The following CTNNA2 variants were observed in gnomAD, a reference collection of about 807,000 sequenced individuals.
CTNNA2 encodes the protein catenin alpha 2.
In CTNNA2, 42 loss-of-function variants were observed where a neutral mutation model predicts 101.0. The ratio of observed to expected loss-of-function variants is 0.42; its 90% CI spans 0.32 to 0.54. CTNNA2 has a LOEUF of 0.54. Among genes scored for constraint, CTNNA2 ranks in the 20% least tolerant of loss-of-function variants. The pLI is 0.14. For missense variants in CTNNA2, 871 were observed against 1,223.1 expected (o/e 0.71, Z 4.29); for synonymous variants, 450 against 456.4 (o/e 0.99, Z 0.18).
chr2:79,591,798 G>A (rs938563049), intron 1 of CTNNA2, among the ~76,000 whole-genome samples: 1 of 152,070 alleles, frequency 6.6e-6, no homozygotes, highest in Non-Finnish European at 1.5e-5. Context: ...TACGTATGAG[G>A]AGAATGTTAA....
At chr2:80,182,173 T>C (rs1206879732) in intron 7 of CTNNA2, among the ~76,000 whole-genome samples, 1 of 152,152 alleles carries the variant, frequency 6.6e-6, no homozygotes, top group East Asian at 1.9e-4. Context: ...AAGCAGACAG[T>C]GCAGCCCTTA....
intron 7 of CTNNA2, among the ~76,000 whole-genome samples, chr2:80,025,478 G>C (rs988015285): frequency 6.6e-6 from 1 of 152,182 alleles, no homozygotes; most frequent in Admixed American, 6.5e-5. Flanking sequence ...AATGAGATGC[G>C]AGAAGACATC....
intron 7 of CTNNA2, among the ~76,000 whole-genome samples, chr2:80,171,607 A>C (rs1705064668): frequency 1.3e-5 from 2 of 152,300 alleles, no homozygotes; most frequent in Admixed American, 6.5e-5. Context: ...TCCTCCATGC[A>C]GCTTCCATTT....
chr2:79,499,442 G>A lies in CTNNA2; in HGVS notation c.-134-5612G>A, dbSNP rs149982603. Among the ~76,000 whole-genome samples the A allele has an allele frequency of 8.2e-3, 1,250 of 152,220 alleles. 11 individuals are homozygous for A. The highest frequency in any genetic ancestry group is 0.013 in the Non-Finnish European group (914 of 68,010). ...CACTTCTCCATATAGCAGTCACAGC[G>A]ATCTGTTGAAAATTAAAATTAGATT... On this transcript the variant is annotated intron_variant, in intron 4 of 21. Coordinates refer to the CTNNA2 transcript ENST00000466387.
intron 4 of CTNNA2, among the ~76,000 whole-genome samples, chr2:79,487,899 T>A (rs1671173006): frequency 6.6e-6 from 1 of 152,132 alleles, no homozygotes; most frequent in South Asian, 2.1e-4. Flanking sequence ...AATAATAAAT[T>A]GGAAATAAGC....
intron 15 of CTNNA2, among the ~76,000 whole-genome samples, chr2:80,599,236 C>T (rs1697252031): frequency 6.6e-6 from 1 of 152,176 alleles, no homozygotes; most frequent in African/African-American, 2.4e-5. Context: ...TCTATAATTA[C>T]ATGTGGCTAG....
At chr2:80,162,663 G>C in intron 7 of CTNNA2, 2 of 1,612,658 alleles carry the variant, frequency 1.2e-6, no homozygotes, top group Non-Finnish European at 1.7e-6. Flanking sequence ...ACGCTGTGAT[G>C]ATGGTGTACC....
rs187532704 is a variant in CTNNA2, at chr2:79,941,831, C to T, written c.1056+32034C>T. ...GTGGGGTGTCACCATGTTGGCCAGG[C>T]TGATCTTAAACTCCTGACCTCAAGT... is the stretch of plus-strand genomic sequence containing the variant. On this transcript the variant is annotated intron_variant, in intron 7 of 18. Transcript: ENST00000402739. 4.3e-3 allele frequency among the ~76,000 whole-genome samples: 660 copies of T among 152,166 alleles called. 5 individuals are homozygous for T. The highest frequency in any genetic ancestry group is 0.015 in the African/African-American group (621 of 41,524).
At chr2:80,541,470 G>A (rs1405711422) in intron 9 of CTNNA2, among the ~76,000 whole-genome samples, 1 of 152,176 alleles carries the variant, frequency 6.6e-6, no homozygotes, top group Non-Finnish European at 1.5e-5. Flanking sequence ...GTTGGGTGAG[G>A]AGTTAGGCCT....
At chr2:79,844,742 C>T (rs975068992) in intron 3 of CTNNA2, among the ~76,000 whole-genome samples, 19 of 152,148 alleles carry the variant, frequency 1.2e-4, no homozygotes, top group Admixed American at 8.5e-4. Flanking sequence ...TGAACTTGAA[C>T]TATTGATGCA....
In CTNNA2 at chr2:80,345,658, T is replaced by TA. The variant is rs938447535; in HGVS notation, c.1057-47541dup. On this transcript the variant is annotated intron_variant, in intron 7 of 18. Coordinates refer to ENST00000402739, the MANE Select transcript of CTNNA2 (RefSeq NM_001282597.3). ...ACCTGATGCATGGTAGGGACTAATTTAAAAAAAAAAAATTGAATGAATGAC... is the reference window on the plus strand; with the variant it reads ...ACCTGATGCATGGTAGGGACTAATTTAAAAAAAAAAAAATTGAATGAATGAC... Among the ~76,000 whole-genome samples the TA allele has an allele frequency of 1.9e-3, 280 of 147,784 alleles. 1 individual carries two copies. The highest frequency in any genetic ancestry group is 0.018 in the Middle Eastern group (5 of 284).
chr2:79,988,969 G>A (rs746473654), intron 7 of CTNNA2, among the ~76,000 whole-genome samples: 9 of 152,150 alleles, frequency 5.9e-5, no homozygotes, highest in Non-Finnish European at 7.4e-5. Context: ...TTAATTACAG[G>A]AATACTTTAG....
At chr2:80,260,094 G>A (rs1202830253) in intron 7 of CTNNA2, among the ~76,000 whole-genome samples, 4 of 151,900 alleles carry the variant, frequency 2.6e-5, no homozygotes, top group Non-Finnish European at 5.9e-5. Flanking sequence ...ATTATTTTCC[G>A]ACATTATTGT....
intron 1 of CTNNA2, among the ~76,000 whole-genome samples, chr2:79,633,522 T>A (rs1440749747): frequency 6.6e-6 from 1 of 152,236 alleles, no homozygotes; most frequent in East Asian, 1.9e-4. Context: ...TACCTGTAGA[T>A]GACCAATATT....
At chr2:79,818,895 GCACA>G (rs56218833) in intron 3 of CTNNA2, among the ~76,000 whole-genome samples, 108 of 125,544 alleles carry the variant, frequency 8.6e-4, no homozygotes, top group African/African-American at 2.8e-3. Flanking sequence ...AGCACTAATA[GCACA>G]CACACACACA....
intron 1 of CTNNA2, among the ~76,000 whole-genome samples, chr2:79,574,609 A>C (rs1558741657): frequency 6.6e-6 from 1 of 152,090 alleles, no homozygotes; most frequent in Non-Finnish European, 1.5e-5. Context: ...TTCTTTATCC[A>C]GTCTGTCATT....
intron 9 of CTNNA2, among the ~76,000 whole-genome samples, chr2:80,451,544 C>T (rs149953603): frequency 6.6e-6 from 1 of 152,146 alleles, no homozygotes; most frequent in Non-Finnish European, 1.5e-5. Context: ...ATGTGCACAT[C>T]CTATAGCAGA....
chr2:79,601,681 A>G (rs1348661472), intron 1 of CTNNA2, among the ~76,000 whole-genome samples: 1 of 152,270 alleles, frequency 6.6e-6, no homozygotes, highest in African/African-American at 2.4e-5. Flanking sequence ...TAAGCATAAC[A>G]CTGGTAAAAT....
intron 7 of CTNNA2, among the ~76,000 whole-genome samples, chr2:80,014,655 G>C (rs1694014565): frequency 6.6e-6 from 1 of 152,124 alleles, no homozygotes; most frequent in African/African-American, 2.4e-5. Flanking sequence ...GCAATACACA[G>C]ACACAAAGAC....
Sources: gnomAD v4.1 joint callset for allele counts (sites outside exome capture counted in the v4.1 genomes callset) on GRCh38, gnomAD v4.1.1 for gene constraint, MANE v1.5 for transcripts, NCBI Gene and HGNC (gene_info 2026-07-23, HGNC 2026-07-21) for gene names.